DIXDC1: variants seen among roughly 807,000 people sequenced by gnomAD.
DIXDC1 encodes DIX domain containing 1.
DIXDC1 carries 64 observed loss-of-function variants against 103.1 expected under a neutral mutation model. That is an observed-to-expected ratio of 0.62 (90% CI 0.51 to 0.76). The LOEUF is 0.76. DIXDC1 is among the 30% of genes least tolerant of loss of function. DIXDC1 has a pLI of 0.00. For missense variants in DIXDC1, 759 were observed against 834.2 expected, an observed-to-expected ratio of 0.91 and a Z score of 1.11; for synonymous variants, 266 against 298.5, an observed-to-expected ratio of 0.89 and a Z score of 1.12.
intron 2 of DIXDC1, among the ~76,000 whole-genome samples, chr11:111,932,054 CAG>C (rs1272155289): frequency 0.012 from 1,338 of 114,184 alleles, 27 homozygotes; most frequent in African/African-American, 0.043. Flanking sequence ...TTTTTTGAGA[CAG>C]AGTCTCACTC....
chr11:111,971,634 A>G (rs1859931930), intron 3 of DIXDC1, among the ~76,000 whole-genome samples: 1 of 152,236 alleles, frequency 6.6e-6, no homozygotes, highest in South Asian at 2.1e-4. Flanking sequence ...ATGCACCCGT[A>G]GGTTCATTGC....
In DIXDC1 at chr11:111,929,107, A is replaced by T. The variant is rs1278382702; in HGVS notation, c.-36-711A>T. Among the ~76,000 whole-genome samples, 7 of 152,000 alleles carry T rather than the reference A, an allele frequency of 4.6e-5. No homozygotes were observed. The East Asian group carries it at 1.4e-3, about 30-fold the overall frequency. On this transcript the variant is annotated intron_variant, in intron 1 of 5. Transcript: ENST00000529225. ...GGCAGGAGAATCGCTTGAACCTGGG[A>T]GGCAGAGGTTGCTGTGAGCCGAGCT...
chr11:111,954,770 A>G (rs1966875011), intron 1 of DIXDC1, among the ~76,000 whole-genome samples: 1 of 152,174 alleles, frequency 6.6e-6, no homozygotes, highest in African/African-American at 2.4e-5. Context: ...TGTATTATGG[A>G]TAGTGAGAGT....
chr11:111,952,762 A>G (rs1428416096), intron 1 of DIXDC1, among the ~76,000 whole-genome samples: 3 of 151,216 alleles, frequency 2.0e-5, no homozygotes, highest in African/African-American at 2.4e-5. Context: ...GGTGGTTGCA[A>G]TGAGCCGAGA....
chr11:111,936,920 GGT>G (rs1235861702), upstream of DIXDC1, among the ~76,000 whole-genome samples: 1 of 151,262 alleles, frequency 6.6e-6, no homozygotes, highest in South Asian at 2.1e-4. Context: ...CTGCAAGCCT[GGT>G]GTGTGTGTGC....
At position 111,974,904 on chromosome 11, in the gene DIXDC1, A is replaced by C; in HGVS notation, c.577A>C (p.Asn193His). 2 of 1,613,698 alleles carry C rather than the reference A, an allele frequency of 1.2e-6. No homozygotes were observed. Among genetic ancestry groups the C allele is most frequent in the Non-Finnish European group, 1.7e-6 (2 of 1,179,834 alleles). Residue 193 changes from asparagine (N) to histidine (H), a missense_variant, in exon 5 of 20, where the codon AAT becomes CAT. By Grantham distance (68) the Asn-to-His change is moderately conservative. This residue lies in a region of DIXDC1 where 657 missense variants were observed against 727.5 expected (regional missense o/e 0.90). Transcript: ENST00000440460. ...CAGCAGCATGGATGAGGAAATTGAG[A>C]ATCCATACTGGAGTGTGCGGGCCCT... is the stretch of plus-strand genomic sequence containing the variant. ...RNSSMDEEIE[N>H]PYWSVRALVQ... is the part of the protein sequence containing the mutation.
At position 112,019,240 on chromosome 11, in the gene DIXDC1, A is replaced by C; in HGVS notation, c.*204A>C. 2.2e-6 allele frequency: 1 copy of C among 445,184 alleles called. No homozygotes were observed. The highest frequency in any genetic ancestry group is 4.1e-6 in the Non-Finnish European group (1 of 244,006). The allele number at this position is 445,184 out of a possible 1,614,324, so 27.6% of individuals were successfully genotyped here. A position where few individuals can be genotyped will look rare whatever the true frequency, so the allele number is the denominator to read the frequency against. On this transcript the variant is annotated 3_prime_UTR_variant, in exon 20 of 20. Transcript: ENST00000440460. ...TTAAAATTCTGTCCAAATGTAGACC[A>C]TGGGTTCATCTGGAGTTCCTTGTCC... is the stretch of plus-strand genomic sequence containing the variant.
intron 17 of DIXDC1, among the ~76,000 whole-genome samples, chr11:112,007,733 A>C (rs1387274511): frequency 6.6e-6 from 1 of 152,208 alleles, no homozygotes; most frequent in Non-Finnish European, 1.5e-5. Flanking sequence ...GGAGAAATAA[A>C]ATCCTTAACA....
intron 1 of DIXDC1, among the ~76,000 whole-genome samples, chr11:111,943,487 CTTTTTTTTT>C (rs1161024928): frequency 2.6e-5 from 3 of 113,432 alleles, no homozygotes; most frequent in East Asian, 2.5e-4. Context: ...TTCTTTCTCT[CTTTTTTTTT>C]TTTTTTTTTT....
At chr11:111,929,735 T>G (rs1463653760) in intron 1 of DIXDC1, 2 of 822,624 alleles carry the variant, frequency 2.4e-6, no homozygotes, top group Non-Finnish European at 3.8e-6. Flanking sequence ...GGGAGGGGTC[T>G]GGCCCCAACT....
rs1176951844 is a variant in DIXDC1, at chr11:111,950,496, C to T, written c.60+12937C>T. ...TTGAGACAGAGTTTCACTCTTGTCG[C>T]CCAGGCTGGAGTGCAATGGCATGAT... On this transcript the variant is annotated intron_variant, in intron 1 of 19. Transcript: ENST00000440460. Among the ~76,000 whole-genome samples the T allele has an allele frequency of 6.1e-5, 7 of 114,080 alleles. No homozygotes were observed. In the South Asian group the frequency reaches 9.7e-4, roughly 16 times the overall value. 74.8% of individuals were successfully genotyped at this position (114,080 alleles called of 152,430 possible). A position where few individuals can be genotyped will look rare whatever the true frequency, so the allele number is the denominator to read the frequency against.
chr11:111,990,802 G>A (rs1469614841), intron 10 of DIXDC1, among the ~76,000 whole-genome samples: 11 of 152,098 alleles, frequency 7.2e-5, no homozygotes, highest in African/African-American at 2.4e-4. Flanking sequence ...CACCTCCCGA[G>A]TTCAAGCAAT....
intron 14 of DIXDC1, among the ~76,000 whole-genome samples, chr11:111,994,563 A>ATATG (rs587730116): frequency 2.5e-4 from 38 of 151,198 alleles, no homozygotes; most frequent in South Asian, 1.0e-3. Flanking sequence ...GTATATATGT[A>ATATG]TATGTATGTA....
chr11:111,929,722 T>C (rs1555167460), intron 1 of DIXDC1: 5 of 684,824 alleles, frequency 7.3e-6, no homozygotes, highest in East Asian at 2.8e-5. Flanking sequence ...TTGGTAGGTT[T>C]TGGGGAGGGG....
chr11:111,933,308 A>G (rs1319164809), upstream of DIXDC1, among the ~76,000 whole-genome samples: 2 of 152,028 alleles, frequency 1.3e-5, no homozygotes, highest in Non-Finnish European at 2.9e-5. Context: ...CTGTATTTTT[A>G]GTAGGGAGGG....
At chr11:112,016,937 G>C in intron 18 of DIXDC1, 141 bp downstream of exon 18, 1 of 676,440 alleles carries the variant, frequency 1.5e-6, no homozygotes, top group Non-Finnish European at 2.4e-6. Context: ...AAGCCAGAGA[G>C]ACAGATTCTA....
chr11:112,012,590 A>G (rs34278528), intron 17 of DIXDC1, among the ~76,000 whole-genome samples: 7,193 of 152,322 alleles, frequency 0.047, 246 homozygotes, highest in Non-Finnish European at 0.071. Context: ...AGCTATAACT[A>G]TTAATCACCT....
At chr11:111,930,071 A>G (rs1965963379) in intron 2 of DIXDC1, among the ~76,000 whole-genome samples, 1 of 152,114 alleles carries the variant, frequency 6.6e-6, no homozygotes, top group South Asian at 2.1e-4. Context: ...AATTCTATTA[A>G]TAGCTCTCTT....
At chr11:111,973,885 C>A in intron 3 of DIXDC1, 138 bp from the exon 4 acceptor site, 1 of 707,074 alleles carries the variant, frequency 1.4e-6, no homozygotes, top group Non-Finnish European at 2.4e-6. Context: ...TTGCCCAGAG[C>A]TTTGTGAGGA....
Sources: allele counts gnomAD v4.1 joint callset (sites outside exome capture counted in the v4.1 genomes callset), GRCh38; gene constraint gnomAD v4.1.1; regional missense constraint gnomAD v4.1.1; transcripts MANE v1.5; gene names NCBI Gene and HGNC (gene_info 2026-07-23, HGNC 2026-07-21).